The following RIPOR3 variants were observed in gnomAD, a reference collection of about 807,000 sequenced individuals.
RIPOR3 encodes RIPOR family member 3.
Under a neutral mutation model 114.3 loss-of-function variants are expected in RIPOR3, and 95 were observed. The observed-to-expected ratio is 0.83, with a 90% confidence interval of 0.70 to 0.99. RIPOR3 has a LOEUF of 0.99. Among genes scored for constraint, RIPOR3 ranks in the 50% least tolerant of loss-of-function variants. RIPOR3 has a pLI of 0.00. For missense variants in RIPOR3, 1,252 were observed against 1,266.9 expected (o/e 0.99, Z 0.18); for synonymous variants, 575 against 543.8 (o/e 1.06, Z -0.80).
chr20:50,646,605 C>G (rs1237414044), intron 1 of RIPOR3, among the ~76,000 whole-genome samples: 2 of 152,184 alleles, frequency 1.3e-5, no homozygotes, highest in Non-Finnish European at 2.9e-5. Flanking sequence ...CCAGGTATTG[C>G]AACCCTGCTC....
At chr20:50,676,057 C>T (rs1400087555) in intron 1 of RIPOR3, among the ~76,000 whole-genome samples, 1 of 152,158 alleles carries the variant, frequency 6.6e-6, no homozygotes, top group Non-Finnish European at 1.5e-5. Flanking sequence ...CACACAACAG[C>T]GAAGATTCCA....
At chr20:50,641,388 T>A (rs528244928) in intron 1 of RIPOR3, among the ~76,000 whole-genome samples, 12 of 152,208 alleles carry the variant, frequency 7.9e-5, no homozygotes, top group African/African-American at 9.6e-5. Flanking sequence ...CTAATTTTTT[T>A]AAAATTTCTT....
chr20:50,666,183 A>ATTTCTTTTCTTTTCTTTTC (rs2086191723), intron 1 of RIPOR3, among the ~76,000 whole-genome samples: 1 of 43,766 alleles, frequency 2.3e-5, no homozygotes, highest in African/African-American at 5.3e-5. Flanking sequence ...AAGGACACCC[A>ATTTCTTTTCTTTTCTTTTC]TTTCTTTTCT....
At chr20:50,618,424 C>T (rs965091105) in intron 3 of RIPOR3, among the ~76,000 whole-genome samples, 2 of 152,160 alleles carry the variant, frequency 1.3e-5, no homozygotes, top group Admixed American at 1.3e-4. Context: ...ATAACCTCAT[C>T]CTCTTTCCTT....
Position 50,691,153 on chromosome 20 carries a change from C to T in RIPOR3, c.-25G>A. 7.8e-7 allele frequency: 1 copy of T among 1,289,462 alleles called. No homozygotes were observed. The allele number at this position is 1,289,462 out of a possible 1,614,324, so 79.9% of individuals were successfully genotyped here. A position where few individuals can be genotyped will look rare whatever the true frequency, so the allele number is the denominator to read the frequency against. On this transcript the variant is annotated 5_prime_UTR_variant, in exon 1 of 22. Coordinates refer to ENST00000327979, the MANE Select transcript of RIPOR3 (RefSeq NM_001290268.2). Reference sequence around the variant, plus strand: ...TCGAGCAGGTCTGGACACTCGAGTGCAGTCCCGCCGCCCTCCTTGCAGCTG... The same window carrying T: ...TCGAGCAGGTCTGGACACTCGAGTGTAGTCCCGCCGCCCTCCTTGCAGCTG...
rs547214517 is a variant in RIPOR3 at position 50,659,508 on chromosome 20, G to A, written c.4-28652C>T. On this transcript the variant is annotated intron_variant, in intron 1 of 21. Transcript: ENST00000327979. ...CTAAAAATACAAAAATTAGCCAGGC[G>A]TGGTGGCAGGCACCTGTAATCCCAG... Among the ~76,000 whole-genome samples, 8 of 151,864 alleles carry A rather than the reference G, an allele frequency of 5.3e-5. No individual in the cohort carries two copies. In the South Asian group the frequency reaches 1.2e-3, roughly 24 times the overall value.
chr20:50,613,440 G>A (rs549946196), intron 4 of RIPOR3, among the ~76,000 whole-genome samples: 15 of 151,972 alleles, frequency 9.9e-5, no homozygotes, highest in Admixed American at 2.6e-4. Flanking sequence ...GTGACAGAGC[G>A]AGAATCCATC....
Position 50,602,292 on chromosome 20 carries a change from C to CT in RIPOR3, c.1438dup (p.Ser480LysfsTer18). 1 of 1,613,812 alleles carries CT rather than the reference C, an allele frequency of 6.2e-7. No homozygotes were observed. The highest frequency in any genetic ancestry group is 8.5e-7 in the Non-Finnish European group (1 of 1,179,910). ...CAGGGAGCCCTGTGGCAGGCTGGGG[C>CT]TCTCCCCTCCTAAGTTCCTCCAGCC... On this transcript the variant is annotated frameshift_variant, in exon 13 of 22. Coordinates refer to ENST00000327979, the MANE Select transcript of RIPOR3 (RefSeq NM_001290268.2). LOFTEE classifies it high-confidence loss of function. This position sits in a 1 kb window ranked among gnomAD's most constrained non-coding sequence, Gnocchi z 4.3.
intron 1 of RIPOR3, 127 bp downstream of exon 1, chr20:50,690,999 T>G: frequency 1.7e-6 from 2 of 1,211,144 alleles, no homozygotes; most frequent in South Asian, 2.6e-5. Context: ...GGTTCCCTCC[T>G]CCGGCCTTGG....
At chr20:50,598,300 G>A (rs944262041) in intron 13 of RIPOR3, among the ~76,000 whole-genome samples, 7 of 151,956 alleles carry the variant, frequency 4.6e-5, no homozygotes, top group Non-Finnish European at 8.8e-5. Context: ...CCACCAACCC[G>A]CCACTGGTCA....
intron 2 of RIPOR3, among the ~76,000 whole-genome samples, chr20:50,621,246 C>T (rs907687667): frequency 7.9e-5 from 12 of 152,230 alleles, no homozygotes; most frequent in African/African-American, 2.7e-4. Context: ...CAGGCAATGC[C>T]GTGTGGGAGG....
intron 1 of RIPOR3, among the ~76,000 whole-genome samples, chr20:50,668,366 G>A (rs1420973340): frequency 6.6e-6 from 1 of 152,092 alleles, no homozygotes; most frequent in Non-Finnish European, 1.5e-5. Context: ...CACCACTGTG[G>A]TCCCCTGGTG....
intron 1 of RIPOR3, among the ~76,000 whole-genome samples, chr20:50,670,052 G>C (rs2086411925): frequency 6.6e-6 from 1 of 151,318 alleles, no homozygotes; most frequent in African/African-American, 2.4e-5. Context: ...AGCTACTCAG[G>C]AGGCCGAAGC....
intron 17 of RIPOR3, among the ~76,000 whole-genome samples, chr20:50,594,105 C>T (rs2083204162): frequency 6.6e-6 from 1 of 151,972 alleles, no homozygotes; most frequent in African/African-American, 2.4e-5. Context: ...CCCGTCTCTA[C>T]TAAAAATACA....
intron 2 of RIPOR3, among the ~76,000 whole-genome samples, chr20:50,621,705 C>T (rs2084412535): frequency 2.0e-5 from 3 of 152,206 alleles, no homozygotes; most frequent in Admixed American, 2.0e-4. Context: ...CAAACAGAGT[C>T]AGACCAAATC....
chr20:50,593,792 A>T (rs2083192013), intron 17 of RIPOR3, among the ~76,000 whole-genome samples: 1 of 152,180 alleles, frequency 6.6e-6, no homozygotes, highest in South Asian at 2.1e-4. Flanking sequence ...CAAGCAGTCC[A>T]GGTGGTGCTT....
chr20:50,610,061 G>C, intron 6 of RIPOR3, among the ~76,000 whole-genome samples: 1 of 113,588 alleles, frequency 8.8e-6, no homozygotes, highest in Non-Finnish European at 1.8e-5. Flanking sequence ...TGCCTCCCCT[G>C]CCACCCCTGC....
At chr20:50,590,694 A>G (rs1017779798) in intron 19 of RIPOR3, among the ~76,000 whole-genome samples, 1 of 152,198 alleles carries the variant, frequency 6.6e-6, no homozygotes, top group Non-Finnish European at 1.5e-5. Flanking sequence ...CCAGGGTCCC[A>G]GGTCATGGCA....
chr20:50,686,704 T>G (rs2087036811), intron 1 of RIPOR3, among the ~76,000 whole-genome samples: 2 of 149,462 alleles, frequency 1.3e-5, no homozygotes, highest in Non-Finnish European at 3.0e-5. Flanking sequence ...TGAGCTGAGA[T>G]CGCACCACTG....
Sources: gnomAD v4.1 joint callset for allele counts (sites outside exome capture counted in the v4.1 genomes callset) on GRCh38, gnomAD v4.1.1 for gene constraint, Gnocchi (gnomAD v3.1) non-coding constraint, MANE v1.5 for transcripts, NCBI Gene and HGNC (gene_info 2026-07-23, HGNC 2026-07-21) for gene names.